Variants in SPATA31H1 observed in about 807,000 individuals in gnomAD.
SPATA31H1 encodes SPATA31 subfamily H member 1, also known as spermatogenesis-associated protein 31H1.
the SPATA31H1 span, chr2:27,574,582 T>C: frequency 2.5e-6 from 1 of 398,426 alleles, no homozygotes; most frequent in South Asian, 1.3e-4. Context: ...GGGACAAGGC[T>C]TCAAAGTATG....
chr2:27,582,297 C>T, the SPATA31H1 span: 112 of 1,613,766 alleles, frequency 6.9e-5, no homozygotes, highest in Admixed American at 1.3e-3. Context: ...TGAGAGAACC[C>T]GTCACAGTCC....
chr2:27,537,820 G>A, the SPATA31H1 span, among the ~76,000 whole-genome samples: 1 of 152,194 alleles, frequency 6.6e-6, no homozygotes, highest in Admixed American at 6.5e-5. Context: ...TAACTGGAAA[G>A]AGAATGTGAT....
the SPATA31H1 span, among the ~76,000 whole-genome samples, chr2:27,541,050 G>T: frequency 7.0e-6 from 1 of 142,548 alleles, no homozygotes; most frequent in Non-Finnish European, 1.5e-5. Context: ...CTGGGAGGTG[G>T]AGGTTGTAGC....
At chr2:27,561,687 A>T in the SPATA31H1 span, among the ~76,000 whole-genome samples, 1 of 151,426 alleles carries the variant, frequency 6.6e-6, no homozygotes, top group South Asian at 2.1e-4. Flanking sequence ...TTTCTCTATA[A>T]TGAGCCAGTT....
chr2:27,566,741 G>A, the SPATA31H1 span: 1 of 682,178 alleles, frequency 1.5e-6, no homozygotes, highest in Admixed American at 2.2e-5. Flanking sequence ...TTAGATCAAG[G>A]CTTGTGGAAC....
At chr2:27,562,254 C>A in the SPATA31H1 span, among the ~76,000 whole-genome samples, 2 of 151,876 alleles carry the variant, frequency 1.3e-5, no homozygotes, top group African/African-American at 4.8e-5. Context: ...AATTTTAGAG[C>A]ATTTAACAAG....
the SPATA31H1 span, chr2:27,579,045 A>G: frequency 6.2e-7 from 1 of 1,614,184 alleles, no homozygotes. Context: ...ATCTAAAGAG[A>G]CAACTAAGAG....
At chr2:27,582,307 C>T in the SPATA31H1 span, 2 of 1,614,128 alleles carry the variant, frequency 1.2e-6, no homozygotes, top group Non-Finnish European at 8.5e-7. Flanking sequence ...CGTCACAGTC[C>T]CTCTGAGATG....
the SPATA31H1 span, among the ~76,000 whole-genome samples, chr2:27,547,441 CT>C: frequency 6.6e-6 from 1 of 151,976 alleles, no homozygotes; most frequent in South Asian, 2.1e-4. Flanking sequence ...TCCCAAGGTG[CT>C]GGGATTACAG....
chr2:27,560,219 A>T, the SPATA31H1 span, among the ~76,000 whole-genome samples: 2 of 152,122 alleles, frequency 1.3e-5, no homozygotes, highest in South Asian at 4.1e-4. Context: ...ACCTCTGAAA[A>T]TTCCAATACC....
the SPATA31H1 span, among the ~76,000 whole-genome samples, chr2:27,563,884 A>G: frequency 6.6e-6 from 1 of 151,110 alleles, no homozygotes; most frequent in African/African-American, 2.4e-5. Context: ...TTTTAAAATT[A>G]TTTTTTATTT....
the SPATA31H1 span, among the ~76,000 whole-genome samples, chr2:27,558,798 G>A: frequency 2.7e-5 from 3 of 110,092 alleles, no homozygotes; most frequent in African/African-American, 7.1e-5. Flanking sequence ...GCACTCGGCA[G>A]GCTGAGGCAG....
At chr2:27,577,001 C>A in the SPATA31H1 span, 1 of 1,614,088 alleles carries the variant, frequency 6.2e-7, no homozygotes. The surrounding 1 kb of genome is among the most constrained non-coding windows in gnomAD (Gnocchi z 4.5). Context: ...AGTATCAAAT[C>A]CCTAAATCTG....
chr2:27,552,616 G>A, the SPATA31H1 span, among the ~76,000 whole-genome samples: 4 of 151,842 alleles, frequency 2.6e-5, no homozygotes, highest in African/African-American at 9.7e-5. Context: ...TTTCATTTCT[G>A]TAAAAAAGGC....
the SPATA31H1 span, chr2:27,576,434 A>G: frequency 9.4e-6 from 6 of 637,202 alleles, no homozygotes; most frequent in Non-Finnish European, 1.6e-5. Flanking sequence ...CATGTTCTCA[A>G]GATGTGAAAT....
the SPATA31H1 span, chr2:27,570,265 C>G: frequency 2.5e-6 from 1 of 398,812 alleles, no homozygotes; most frequent in East Asian, 3.6e-5. Context: ...GATATGAAAT[C>G]TGTTCTGTCT....
the SPATA31H1 span, chr2:27,571,557 T>C: frequency 1.0e-5 from 4 of 398,384 alleles, no homozygotes; most frequent in East Asian, 1.4e-4. Flanking sequence ...AACTGCTAAA[T>C]TAAAACTTGG....
At chr2:27,581,423 C>T in the SPATA31H1 span, 3 of 1,614,092 alleles carry the variant, frequency 1.9e-6, no homozygotes, top group Non-Finnish European at 2.5e-6. Context: ...ACTGCAGTCC[C>T]CCCGAGAGGA....
chr2:27,552,928 A>C, the SPATA31H1 span, among the ~76,000 whole-genome samples: 2 of 152,228 alleles, frequency 1.3e-5, no homozygotes, highest in African/African-American at 4.8e-5. Flanking sequence ...TCATCTGTGA[A>C]CACAGTTTTA....
Sources: allele counts gnomAD v4.1 joint callset (sites outside exome capture counted in the v4.1 genomes callset), GRCh38; gene constraint gnomAD v4.1.1; non-coding constraint Gnocchi (gnomAD v3.1); transcripts MANE v1.5; gene names NCBI Gene and HGNC (gene_info 2026-07-23, HGNC 2026-07-21).